Variants in OR2A14 observed in about 807,000 individuals in gnomAD.
The protein encoded by OR2A14 is olfactory receptor 2A14.
OR2A14 carries 2 observed loss-of-function variants against 2.4 expected under a neutral mutation model. That is an observed-to-expected ratio of 0.85 (90% CI 0.35 to 2.67). OR2A14 has a LOEUF of 2.67. OR2A14 is among the 30% of genes most tolerant of loss of function. The pLI, the probability that OR2A14 is intolerant of heterozygous loss-of-function variation, is 0.10. For synonymous variants in OR2A14, 160 were observed against 156.3 expected (o/e 1.02, Z -0.18); for missense variants, 390 against 379.4 (o/e 1.03, Z -0.23).
intron 1 of OR2A14, among the ~76,000 whole-genome samples, chr7:144,126,434 C>T (rs188095861): frequency 3.3e-5 from 5 of 152,222 alleles, no homozygotes; most frequent in East Asian, 3.9e-4. Flanking sequence ...AGAGACTTTG[C>T]GTTTACTGTT....
chr7:144,129,058 G>T (rs1250577164), intron 1 of OR2A14, 21 bp from the exon 2 acceptor site: 8 of 1,356,842 alleles, frequency 5.9e-6, no homozygotes, highest in Non-Finnish European at 8.2e-6. Context: ...CTCCCTCTGT[G>T]CATCTTTGAC....
chr7:144,125,625 T>C (rs1450296611), intron 1 of OR2A14, among the ~76,000 whole-genome samples: 1 of 152,232 alleles, frequency 6.6e-6, no homozygotes, highest in African/African-American at 2.4e-5. Context: ...TGGCCTCTTG[T>C]ACACAACTGT....
rs866907405 is a variant in OR2A14 at position 144,128,011 on chromosome 7, T to C, written c.-34-1068T>C. On this transcript the variant is annotated intron_variant, in intron 1 of 1. Coordinates refer to ENST00000641068, the MANE Select transcript of OR2A14 (RefSeq NM_001001659.3). ...ATCCCATCCCCATCACATGCTCAGA[T>C]TCCATCTGAACAGCAACAGGGCTGC... Among the ~76,000 whole-genome samples the C allele has an allele frequency of 2.0e-5, 3 of 152,226 alleles. No homozygotes were observed. In the South Asian group the frequency reaches 6.2e-4, roughly 32 times the overall value.
In OR2A14 at chr7:144,129,609, C is replaced by A. The variant is rs1377006280; in HGVS notation, c.497C>A (p.Pro166His). ...LVPLVLILSL[P>H]FCGPHEINHF... is the part of the protein sequence containing the mutation. The stretch of plus-strand genomic sequence containing the variant: ...CCTTTAGTTCTCATCCTGAGCCTGC[C>A]CTTCTGCGGGCCTCATGAAATCAAC... Residue 166 changes from proline (P) to histidine (H), a missense_variant, in exon 2 of 2, where the codon CCC (proline) becomes CAC (histidine). Transcript: ENST00000641068. The A allele has an allele frequency of 6.2e-7, 1 of 1,605,564 alleles. No homozygotes were observed. The highest frequency in any genetic ancestry group is 8.5e-7 in the Non-Finnish European group (1 of 1,177,642).
chr7:144,129,317 G>A lies in OR2A14; in HGVS notation c.205G>A (p.Asp69Asn), dbSNP rs746415046. The A allele has an allele frequency of 3.1e-6, 5 of 1,614,128 alleles. No homozygotes were observed. In the East Asian group the frequency reaches 1.1e-4, roughly 36 times the overall value. Residue 69 changes from aspartate (D) to asparagine (N), a missense_variant, in exon 2 of 2, where the codon GAC (aspartate) becomes AAC (asparagine). By Grantham distance (23) the Asp-to-Asn change is conservative. Coordinates refer to ENST00000641068, the MANE Select transcript of OR2A14 (RefSeq NM_001001659.3). The part of the protein sequence containing the change: ...YFFLSHLAIV[D>N]ISYASNYVPK... The stretch of plus-strand genomic sequence containing the variant: ...CTTCCTCTCACACCTGGCCATTGTT[G>A]ACATATCCTATGCTTCCAACTATGT...
chr7:144,124,345 C>T (rs1448632003), intron 1 of OR2A14, among the ~76,000 whole-genome samples: 1 of 151,634 alleles, frequency 6.6e-6, no homozygotes, highest in African/African-American at 2.4e-5. Flanking sequence ...GCCTGTAATC[C>T]CAGCTACTTG....
Position 144,130,297 on chromosome 7 carries a change from G to A in OR2A14, c.*252G>A, listed in dbSNP as rs1010518736. 9.4e-5 allele frequency: 30 copies of A among 318,656 alleles called. No individual in the cohort carries two copies. Among genetic ancestry groups the A allele is most frequent in the Admixed American group, 4.5e-5 (1 of 22,008 alleles). The allele number at this position is 318,656 out of a possible 1,614,324, so 19.7% of individuals were successfully genotyped here. A position where few individuals can be genotyped will look rare whatever the true frequency, so the allele number is the denominator to read the frequency against. On this transcript the variant is annotated 3_prime_UTR_variant, in exon 2 of 2. Transcript: ENST00000641068. ...AAATTTTTAAGTTCGATAAATATAG[G>A]ACCTCTTCACATTAATCATTGTGCT...
chr7:144,129,425 GC>G lies in OR2A14; in HGVS notation c.314del (p.Ala105ValfsTer5). 6.2e-7 allele frequency: 1 copy of G among 1,614,060 alleles called. No homozygotes were observed. Among genetic ancestry groups the G allele is most frequent in the Non-Finnish European group, 8.5e-7 (1 of 1,179,984 alleles). ...PCIMQTFLYL[A>X]FAHVECLILV... is the part of the protein sequence containing the mutation. The stretch of plus-strand genomic sequence containing the variant: ...CATAATGCAGACATTCTTGTATTTG[GC>G]TTTTGCTCACGTAGAGTGTCTGATT... On this transcript the variant is annotated frameshift_variant, in exon 2 of 2. Coordinates refer to ENST00000641068, the MANE Select transcript of OR2A14 (RefSeq NM_001001659.3). LOFTEE classifies it low-confidence loss of function (END_TRUNC).
At chr7:144,124,037 T>TACTC (rs57852621) in intron 1 of OR2A14, among the ~76,000 whole-genome samples, 57,365 of 151,778 alleles carry the variant, frequency 0.38, 11,623 homozygotes, top group East Asian at 0.74. Flanking sequence ...CAGAATTTAT[T>TACTC]ACCCCATTTT....
At position 144,129,582 on chromosome 7, in the gene OR2A14, T is replaced by A; in HGVS notation, c.470T>A (p.Val157Asp). The A allele has an allele frequency of 1.2e-6, 2 of 1,614,020 alleles. No individual in the cohort carries two copies. The highest frequency in any genetic ancestry group is 2.2e-5 in the South Asian group (2 of 91,044). Residue 157 changes from valine to aspartate, a missense_variant, in exon 2 of 2, where the codon GTC becomes GAC. Transcript: ENST00000641068. ...SWVFSFLLAL[V>D]PLVLILSLPF... ...GTGTTCAGCTTCCTCCTGGCTCTGG[T>A]CCCTTTAGTTCTCATCCTGAGCCTG...
At chr7:144,126,833 A>G (rs1486844692) in intron 1 of OR2A14, among the ~76,000 whole-genome samples, 1 of 152,094 alleles carries the variant, frequency 6.6e-6, no homozygotes, top group East Asian at 1.9e-4. Context: ...TTTCTCTCCA[A>G]ATTAAAATCA....
chr7:144,128,840 A>G (rs1236750674), intron 1 of OR2A14, among the ~76,000 whole-genome samples: 1 of 152,250 alleles, frequency 6.6e-6, no homozygotes, highest in Non-Finnish European at 1.5e-5. Context: ...ATATTATAAT[A>G]GATCCTGTTT....
chr7:144,129,519 G>C lies in OR2A14; in HGVS notation c.407G>C (p.Ser136Thr). 1 of 1,614,124 alleles carries C rather than the reference G, an allele frequency of 6.2e-7. No homozygotes were observed. The highest frequency in any genetic ancestry group is 8.5e-7 in the Non-Finnish European group (1 of 1,180,016). Residue 136 changes from serine (S) to threonine (T), a missense_variant, in exon 2 of 2, where the codon AGC becomes ACC. Physicochemically the swap from Ser to Thr is moderately conservative, Grantham distance 58. Transcript: ENST00000641068. ...CHPLRYNSLMSWRVCTVLAVA... is the reference protein window; with the variant it reads ...CHPLRYNSLMTWRVCTVLAVA... Reference sequence around the variant, plus strand: ...CCCTTACGTTACAATAGCCTCATGAGCTGGAGAGTGTGCACTGTCCTGGCT... The same window carrying C: ...CCCTTACGTTACAATAGCCTCATGACCTGGAGAGTGTGCACTGTCCTGGCT...
rs1454699035 is a variant in OR2A14 at position 144,130,002 on chromosome 7, A to G, written c.890A>G (p.Lys297Arg). Reference protein sequence around the residue: ...LIYSLRNAEVKGALRRALRKE... With the variant: ...LIYSLRNAEVRGALRRALRKE... Reference sequence around the variant, plus strand: ...TATAGCCTAAGGAATGCAGAGGTCAAGGGCGCCCTGAGGAGGGCACTGAGG... The same window carrying G: ...TATAGCCTAAGGAATGCAGAGGTCAGGGGCGCCCTGAGGAGGGCACTGAGG... Residue 297 changes from lysine to arginine, a missense_variant, in exon 2 of 2, where the codon AAG becomes AGG. Lys to Arg is a conservative substitution (Grantham distance 26). Transcript: ENST00000641068. 5 of 1,614,022 alleles carry G rather than the reference A, an allele frequency of 3.1e-6. No homozygotes were observed. In the African/African-American group the frequency reaches 5.3e-5, roughly 17 times the overall value.
chr7:144,124,782 G>GT (rs1430833320), intron 1 of OR2A14, among the ~76,000 whole-genome samples: 1 of 151,836 alleles, frequency 6.6e-6, no homozygotes, highest in Non-Finnish European at 1.5e-5. Flanking sequence ...TTTTTCTTCA[G>GT]TAAGGGAGTG....
In OR2A14 at chr7:144,129,890, G is replaced by A. The variant is rs760335867; in HGVS notation, c.778G>A (p.Ala260Thr). Reference protein sequence around the residue: ...FFGSAIVTYMAPKSRHPEEQQ... With the variant: ...FFGSAIVTYMTPKSRHPEEQQ... ...TGGCAGCGCCATTGTCACGTACATG[G>A]CCCCCAAGTCCCGCCATCCTGAGGA... Residue 260 changes from alanine to threonine, a missense_variant, in exon 2 of 2, where the codon GCC becomes ACC. Ala to Thr is a moderately conservative substitution (Grantham distance 58). Transcript: ENST00000641068. 1.2e-5 allele frequency: 19 copies of A among 1,614,040 alleles called. No individual in the cohort carries two copies. In the African/African-American group the frequency reaches 2.5e-4, roughly 22 times the overall value.
chr7:144,123,745 T>G (rs1339870585), intron 1 of OR2A14, among the ~76,000 whole-genome samples: 1 of 152,202 alleles, frequency 6.6e-6, no homozygotes, highest in East Asian at 1.9e-4. Context: ...GTCCTGCACA[T>G]TCTCAGAAGC....
chr7:144,129,576 C>T lies in OR2A14; in HGVS notation c.464C>T (p.Ala155Val). 3.1e-6 allele frequency: 5 copies of T among 1,614,140 alleles called. No individual in the cohort carries two copies. The highest frequency in any genetic ancestry group is 1.1e-5 in the South Asian group (1 of 91,070). Residue 155 changes from alanine to valine, a missense_variant, in exon 2 of 2, where the codon GCT becomes GTT. Transcript: ENST00000641068. ...VASWVFSFLL[A>V]LVPLVLILSL... is the part of the protein sequence containing the mutation. ...TCCTGGGTGTTCAGCTTCCTCCTGG[C>T]TCTGGTCCCTTTAGTTCTCATCCTG...
At chr7:144,125,624 G>A (rs1410341854) in intron 1 of OR2A14, among the ~76,000 whole-genome samples, 3 of 152,176 alleles carry the variant, frequency 2.0e-5, no homozygotes, top group Non-Finnish European at 4.4e-5. Context: ...GTGGCCTCTT[G>A]TACACAACTG....
Sources: allele counts gnomAD v4.1 joint callset (sites outside exome capture counted in the v4.1 genomes callset), GRCh38; gene constraint gnomAD v4.1.1; transcripts MANE v1.5; gene names NCBI Gene and HGNC (gene_info 2026-07-23, HGNC 2026-07-21).